The following KCNIP3 variants were observed in gnomAD, a reference collection of about 807,000 sequenced individuals.
The protein encoded by KCNIP3 is potassium voltage-gated channel interacting protein 3.
A neutral mutation model predicts 35.0 loss-of-function variants in KCNIP3; 28 were observed. That is an observed-to-expected ratio of 0.80 (90% CI 0.59 to 1.10). The LOEUF (loss-of-function observed/expected upper bound fraction) is 1.10, where lower values mean the gene tolerates loss of function less well. Ranked by LOEUF, KCNIP3 falls within the 50% of genes least tolerant of loss-of-function variation. The probability of loss-of-function intolerance (pLI) is 0.00; values close to 1 mark genes in which losing one functional copy is unlikely to be tolerated. For missense variants in KCNIP3, 295 were observed against 338.4 expected (o/e 0.87, Z 1.01); for synonymous variants, 134 against 133.8 (o/e 1.00, Z -0.01).
chr2:95,320,281 A>C (rs1678560758), intron 2 of KCNIP3, among the ~76,000 whole-genome samples: 1 of 152,068 alleles, frequency 6.6e-6, no homozygotes, highest in Admixed American at 6.5e-5. Context: ...ATTTGCATTA[A>C]ATTTTCTGCA....
At chr2:95,370,144 C>T (rs1680008784) in intron 2 of KCNIP3, among the ~76,000 whole-genome samples, 1 of 152,060 alleles carries the variant, frequency 6.6e-6, no homozygotes, top group Admixed American at 6.5e-5. Flanking sequence ...TTATTATGGT[C>T]ACATTTTCTT....
Position 95,327,410 on chromosome 2 carries a change from C to T in KCNIP3, c.181+16890C>T, listed in dbSNP as rs184818921. ...GCACACATACACACACTCTCACATA[C>T]GCTTACACTCACACATGCACACACG... On this transcript the variant is annotated intron_variant, in intron 2 of 8. Coordinates refer to ENST00000295225, the MANE Select transcript of KCNIP3 (RefSeq NM_013434.5). Among the ~76,000 whole-genome samples the T allele has an allele frequency of 2.3e-3, 345 of 152,200 alleles. 3 individuals carry two copies. Among genetic ancestry groups the T allele is most frequent in the South Asian group, 7.9e-3 (38 of 4,830 alleles).
At chr2:95,344,093 C>T (rs189630345) in intron 2 of KCNIP3, among the ~76,000 whole-genome samples, 3 of 152,320 alleles carry the variant, frequency 2.0e-5, no homozygotes, top group Non-Finnish European at 4.4e-5. Flanking sequence ...TTCCCTAACT[C>T]CCCGCCCTGA....
chr2:95,364,164 A>G (rs1679863590), intron 2 of KCNIP3, among the ~76,000 whole-genome samples: 1 of 152,210 alleles, frequency 6.6e-6, no homozygotes, highest in Non-Finnish European at 1.5e-5. Context: ...ATTTGCAAAT[A>G]TAAGCAAATC....
Position 95,384,846 on chromosome 2 carries a change from C to T in KCNIP3, c.*797C>T, listed in dbSNP as rs981971326. The stretch of plus-strand genomic sequence containing the variant: ...GCTCCACAGGGTGGGATGAGCCTCT[C>T]CTTGCCCCAGTCCTGGTTCAGTGGG... On this transcript the variant is annotated 3_prime_UTR_variant, in exon 9 of 9. Transcript: ENST00000295225. 3.3e-5 allele frequency: 5 copies of T among 152,612 alleles called. No homozygotes were observed. The highest frequency in any genetic ancestry group is 1.2e-4 in the African/African-American group (5 of 41,462). 9.5% of individuals were successfully genotyped at this position (152,612 alleles called of 1,614,324 possible).
chr2:95,329,796 C>T lies in KCNIP3; in HGVS notation c.181+19276C>T, dbSNP rs1002492203. ...AGCCATTACGGCCATTGATCGCCTTCGATCCTGGGTGCTGCTGTGAGATGC... is the reference window on the plus strand; with the variant it reads ...AGCCATTACGGCCATTGATCGCCTTTGATCCTGGGTGCTGCTGTGAGATGC... On this transcript the variant is annotated intron_variant, in intron 2 of 8. Transcript: ENST00000295225. Among the ~76,000 whole-genome samples the T allele has an allele frequency of 5.9e-5, 9 of 152,350 alleles. No homozygotes were observed. The East Asian group carries it at 1.3e-3, about 23-fold the overall frequency.
chr2:95,357,700 T>C (rs541696331), intron 2 of KCNIP3, among the ~76,000 whole-genome samples: 1 of 152,330 alleles, frequency 6.6e-6, no homozygotes, highest in Non-Finnish European at 1.5e-5. Context: ...CTTCCCATCA[T>C]TAAATTAAAT....
Position 95,297,472 on chromosome 2 carries a change from G to A in KCNIP3, c.15+19G>A, listed in dbSNP as rs763431783. 1 of 1,531,400 alleles carries A rather than the reference G, an allele frequency of 6.5e-7. No individual in the cohort carries two copies. Among genetic ancestry groups the A allele is most frequent in the Non-Finnish European group, 8.9e-7 (1 of 1,127,228 alleles). The allele number at this position is 1,531,400 out of a possible 1,614,324, so 94.9% of individuals were successfully genotyped here. A position where few individuals can be genotyped will look rare whatever the true frequency, so the allele number is the denominator to read the frequency against. On this transcript the variant is annotated intron_variant, in intron 1 of 8. Coordinates refer to ENST00000295225, the MANE Select transcript of KCNIP3 (RefSeq NM_013434.5). ...GGCTAAGGTAGGTGCTGGGGGAATG[G>A]GGTCTTGCTCTGGAGGGGGGTCGGG...
intron 2 of KCNIP3, among the ~76,000 whole-genome samples, chr2:95,318,764 C>T (rs1277702995): frequency 6.6e-6 from 1 of 152,252 alleles, no homozygotes; most frequent in Non-Finnish European, 1.5e-5. Flanking sequence ...TGAGCATCAG[C>T]AGCTTGGAGT....
intron 2 of KCNIP3, among the ~76,000 whole-genome samples, chr2:95,355,541 T>A (rs904805248): frequency 3.3e-5 from 5 of 152,156 alleles, no homozygotes; most frequent in Non-Finnish European, 5.9e-5. Context: ...TTCCCCGCCC[T>A]GTGTCCAAGT....
chr2:95,380,931 G>A (rs1680321358), intron 5 of KCNIP3, among the ~76,000 whole-genome samples: 1 of 152,120 alleles, frequency 6.6e-6, no homozygotes, highest in Non-Finnish European at 1.5e-5. Context: ...AGGATCGCTT[G>A]AGCCTGGGAG....
intron 2 of KCNIP3, among the ~76,000 whole-genome samples, chr2:95,335,901 C>T (rs774526156): frequency 2.6e-5 from 4 of 152,112 alleles, no homozygotes; most frequent in Non-Finnish European, 2.9e-5. Flanking sequence ...AGTCCATTCA[C>T]ATTTAAGGTA....
At chr2:95,336,825 T>C (rs1442055421) in intron 2 of KCNIP3, among the ~76,000 whole-genome samples, 2 of 152,214 alleles carry the variant, frequency 1.3e-5, no homozygotes, top group Non-Finnish European at 2.9e-5. Context: ...TCCTAACAAA[T>C]GGCTTTTCTG....
intron 2 of KCNIP3, among the ~76,000 whole-genome samples, chr2:95,319,661 C>A (rs1678539413): frequency 6.6e-6 from 1 of 152,196 alleles, no homozygotes; most frequent in Non-Finnish European, 1.5e-5. Context: ...AGTGCCTCCT[C>A]CGCTGGGTGG....
At chr2:95,302,993 C>T (rs1046852557) in intron 1 of KCNIP3, 2 of 152,630 alleles carry the variant, frequency 1.3e-5, no homozygotes, top group African/African-American at 4.8e-5. Flanking sequence ...GATACTTTAA[C>T]GCAGGTTTTC....
Position 95,363,410 on chromosome 2 carries a change from C to T in KCNIP3, c.182-10886C>T, listed in dbSNP as rs530455094. Among the ~76,000 whole-genome samples the T allele has an allele frequency of 5.9e-5, 9 of 152,040 alleles. No homozygotes were observed. In the East Asian group the frequency reaches 7.7e-4, roughly 13 times the overall value. ...AGCTTTCATGAAATTCCCTCCTACA[C>T]GTCACTCTCTTTTTTGAGCTCTCTG... On this transcript the variant is annotated intron_variant, in intron 2 of 8. Coordinates refer to ENST00000295225, the MANE Select transcript of KCNIP3 (RefSeq NM_013434.5).
chr2:95,366,216 A>C (rs1679914471), intron 2 of KCNIP3, among the ~76,000 whole-genome samples: 1 of 152,164 alleles, frequency 6.6e-6, no homozygotes, highest in Admixed American at 6.5e-5. Flanking sequence ...GTCAGCCCCC[A>C]GGCAGCCACT....
chr2:95,314,353 C>T (rs1369528948), intron 2 of KCNIP3, among the ~76,000 whole-genome samples: 1 of 152,218 alleles, frequency 6.6e-6, no homozygotes, highest in Admixed American at 6.5e-5. Context: ...TAACCCCTTT[C>T]CATGGGGTTG....
intron 2 of KCNIP3, 96 bp from the exon 3 acceptor site, chr2:95,374,200 C>T (rs1180163817): frequency 4.4e-5 from 65 of 1,469,130 alleles, no homozygotes; most frequent in Middle Eastern, 2.5e-4. Flanking sequence ...GAGAGTTCCT[C>T]CACCTGCTAT....
Sources: allele counts gnomAD v4.1 joint callset (sites outside exome capture counted in the v4.1 genomes callset), GRCh38; gene constraint gnomAD v4.1.1; transcripts MANE v1.5; gene names NCBI Gene and HGNC (gene_info 2026-07-23, HGNC 2026-07-21).